Variants in APLP2 observed in about 807,000 individuals in gnomAD.
APLP2 encodes amyloid beta precursor like protein 2, also known as CDEI box-binding protein.
APLP2 carries 53 observed loss-of-function variants against 89.9 expected under a neutral mutation model. The observed-to-expected ratio is 0.59, with a 90% CI of 0.47 to 0.74. APLP2 has a LOEUF of 0.74. APLP2 is among the 30% of genes least tolerant of loss of function. The pLI is 0.00. For missense variants in APLP2, 973 were observed against 975.9 expected (o/e 1.00, Z 0.04); for synonymous variants, 372 against 348.6 (o/e 1.07, Z -0.75).
At chr11:130,078,925 TC>T (rs1303797758) in intron 1 of APLP2, among the ~76,000 whole-genome samples, 2 of 152,080 alleles carry the variant, frequency 1.3e-5, no homozygotes, top group Non-Finnish European at 2.9e-5. Flanking sequence ...TCTTAGCTCT[TC>T]CCTTAACCTT....
At chr11:130,071,839 A>G (rs1002229769) in intron 1 of APLP2, among the ~76,000 whole-genome samples, 2 of 152,182 alleles carry the variant, frequency 1.3e-5, no homozygotes, top group Admixed American at 1.3e-4. Context: ...ATTTTTGCTC[A>G]CACTTACTAA....
At chr11:130,134,832 A>C (rs1565600584) in intron 12 of APLP2, among the ~76,000 whole-genome samples, 2 of 152,148 alleles carry the variant, frequency 1.3e-5, no homozygotes, top group African/African-American at 4.8e-5. Flanking sequence ...CAAGAAGTGC[A>C]CTTAGGGTTC....
chr11:130,086,584 C>T (rs886288491), intron 1 of APLP2, among the ~76,000 whole-genome samples: 18 of 152,020 alleles, frequency 1.2e-4, no homozygotes, highest in African/African-American at 4.1e-4. Context: ...TTTAAGAAAT[C>T]GTTGTGAAAT....
At position 130,144,235 on chromosome 11, in the gene APLP2, C is replaced by G. The variant is rs950162618; in HGVS notation, c.*787C>G. ...TCTTCACTGTCTGTTGTTTACCTAC[C>G]GTAGCTTTTTACCGTTCACTTCCCC... On this transcript the variant is annotated 3_prime_UTR_variant, in exon 17 of 17. Transcript: ENST00000338167. 1.3e-5 allele frequency: 2 copies of G among 152,222 alleles called. No homozygotes were observed. The highest frequency in any genetic ancestry group is 2.9e-5 in the Non-Finnish European group (2 of 68,078). The allele number at this position is 152,222 out of a possible 1,614,324, so 9.4% of individuals were successfully genotyped here. A position where few individuals can be genotyped will look rare whatever the true frequency, so the allele number is the denominator to read the frequency against.
At chr11:130,073,850 A>G (rs906446145) in intron 1 of APLP2, among the ~76,000 whole-genome samples, 1 of 152,234 alleles carries the variant, frequency 6.6e-6, no homozygotes, top group African/African-American at 2.4e-5. Flanking sequence ...AAGAATAAAA[A>G]AAAGAAATAA....
intron 1 of APLP2, among the ~76,000 whole-genome samples, chr11:130,094,398 A>C (rs1184434945): frequency 6.6e-6 from 1 of 152,022 alleles, no homozygotes; most frequent in Non-Finnish European, 1.5e-5. Flanking sequence ...GATGTTGGCC[A>C]GGCTGGTCTT....
chr11:130,098,209 A>G (rs972935522), intron 1 of APLP2, among the ~76,000 whole-genome samples: 25 of 152,260 alleles, frequency 1.6e-4, no homozygotes, highest in African/African-American at 6.0e-4. Flanking sequence ...GATGGAGACC[A>G]TCCTGGCCAA....
intron 1 of APLP2, among the ~76,000 whole-genome samples, chr11:130,088,269 A>G (rs1021201261): frequency 1.3e-4 from 20 of 151,900 alleles, no homozygotes; most frequent in African/African-American, 4.1e-4. Context: ...TCCAGGGGGG[A>G]AAAAACCATA....
At chr11:130,106,804 T>A (rs1326165111) in intron 1 of APLP2, among the ~76,000 whole-genome samples, 1 of 152,178 alleles carries the variant, frequency 6.6e-6, no homozygotes, top group Admixed American at 6.5e-5. Context: ...TTTTCCTGCC[T>A]CAGCCCCCTG....
intron 13 of APLP2, 55 bp downstream of exon 13, chr11:130,135,770 G>T: frequency 6.3e-7 from 1 of 1,598,338 alleles, no homozygotes. Flanking sequence ...CAAAATGAGA[G>T]AATTGAAGTC....
At chr11:130,101,246 G>A (rs1211360103) in intron 1 of APLP2, 2 of 152,720 alleles carry the variant, frequency 1.3e-5, no homozygotes, top group Admixed American at 6.5e-5. Context: ...CGTGATCTCG[G>A]CTCACTGCAA....
chr11:130,096,008 G>A (rs1312693532), intron 1 of APLP2, among the ~76,000 whole-genome samples: 3 of 152,206 alleles, frequency 2.0e-5, no homozygotes, highest in South Asian at 2.1e-4. Context: ...GAGCAAGGTC[G>A]TTTCAGATTG....
Position 130,123,695 on chromosome 11 carries a change from G to C in APLP2, c.1006G>C (p.Val336Leu), listed in dbSNP as rs764649597. The change falls in exon 7 of 17, where the codon GTG becomes CTG. Residue 336 changes from valine to leucine, a missense_variant. Coordinates refer to ENST00000338167, the MANE Select transcript of APLP2 (RefSeq NM_001142276.2). The surrounding 1 kb of genome is among the most constrained non-coding windows in gnomAD (Gnocchi z 4.0). The part of the protein sequence containing the change: ...WYFDLSKGKC[V>L]RFIYGGCGGN... ...CTTCGACCTCTCCAAGGGAAAGTGCGTGCGCTTTATATATGGTGGCTGCGG... is the reference window on the plus strand; with the variant it reads ...CTTCGACCTCTCCAAGGGAAAGTGCCTGCGCTTTATATATGGTGGCTGCGG... The C allele has an allele frequency of 7.4e-6, 12 of 1,614,138 alleles. No individual in the cohort carries two copies. The African/African-American group carries it at 1.2e-4, about 16-fold the overall frequency.
intron 11 of APLP2, among the ~76,000 whole-genome samples, 168 bp from the exon 12 acceptor site, chr11:130,133,461 C>T (rs1207276637): frequency 2.0e-5 from 3 of 152,098 alleles, no homozygotes; most frequent in East Asian, 1.9e-4. Context: ...GTAAATATGG[C>T]GTGAGGATTA....
intron 1 of APLP2, among the ~76,000 whole-genome samples, chr11:130,079,083 T>A (rs7932142): frequency 0.3 from 39,053 of 130,660 alleles, 5,212 homozygotes; most frequent in African/African-American, 0.43. Context: ...CATGTATTTT[T>A]TTTATTTATT....
At chr11:130,129,892 A>T in intron 10 of APLP2, 146 bp from the exon 11 acceptor site, 2 of 872,950 alleles carry the variant, frequency 2.3e-6, no homozygotes, top group South Asian at 3.5e-5. Context: ...GTTACTTGGT[A>T]AGCTAAAAAA....
At chr11:130,121,837 G>C (rs1949860151) in intron 5 of APLP2, 27 bp downstream of exon 5, 1 of 1,598,244 alleles carries the variant, frequency 6.3e-7, no homozygotes, top group South Asian at 1.1e-5. Flanking sequence ...GAACTGTGAA[G>C]TCGTTTTGCC....
intron 1 of APLP2, among the ~76,000 whole-genome samples, chr11:130,098,008 A>AG (rs1364843208): frequency 2.0e-5 from 3 of 152,148 alleles, no homozygotes; most frequent in Non-Finnish European, 4.4e-5. Flanking sequence ...CTCATTTTTC[A>AG]GGGGGGCCAC....
At chr11:130,122,252 T>G (rs1949909152) in intron 5 of APLP2, 53 bp from the exon 6 acceptor site, 24 of 1,597,438 alleles carry the variant, frequency 1.5e-5, no homozygotes, top group Non-Finnish European at 2.1e-5. Context: ...CCCATTGTTG[T>G]GCTTTGCACA....
Sources: gnomAD v4.1 joint callset for allele counts (sites outside exome capture counted in the v4.1 genomes callset) on GRCh38, gnomAD v4.1.1 for gene constraint, Gnocchi (gnomAD v3.1) non-coding constraint, MANE v1.5 for transcripts, NCBI Gene and HGNC (gene_info 2026-07-23, HGNC 2026-07-21) for gene names.